PRUNE2: variants seen among roughly 807,000 people sequenced by gnomAD.
The protein encoded by PRUNE2 is protein prune homolog 2.
PRUNE2 carries 164 observed loss-of-function variants against 252.0 expected under a neutral mutation model. That is an observed-to-expected ratio of 0.65 (90% CI 0.57 to 0.74). PRUNE2 has a LOEUF of 0.74. PRUNE2 is among the 30% of genes least tolerant of loss of function. The pLI is 0.00. For missense variants in PRUNE2, 3,495 were observed against 3,711.0 expected, an observed-to-expected ratio of 0.94 and a Z score of 1.51; for synonymous variants, 1,292 against 1,350.2, an observed-to-expected ratio of 0.96 and a Z score of 0.94.
At chr9:76,654,047 G>A (rs1224503376) in intron 10 of PRUNE2, among the ~76,000 whole-genome samples, 1 of 152,168 alleles carries the variant, frequency 6.6e-6, no homozygotes, top group Non-Finnish European at 1.5e-5. Flanking sequence ...CATTTCCTAA[G>A]GTGGATAGTG....
intron 11 of PRUNE2, among the ~76,000 whole-genome samples, chr9:76,645,933 G>C (rs950944207): frequency 6.6e-6 from 1 of 152,086 alleles, no homozygotes; most frequent in Admixed American, 6.6e-5. Context: ...GTACTAGTTG[G>C]TATTAAAATG....
intron 1 of PRUNE2, among the ~76,000 whole-genome samples, chr9:76,879,638 A>G (rs11145112): frequency 0.15 from 22,166 of 151,724 alleles, 5,108 homozygotes; most frequent in African/African-American, 0.49. Flanking sequence ...TGGAAAGGGA[A>G]CAATATTTTC....
chr9:76,837,383 A>G (rs1305910560), intron 4 of PRUNE2, among the ~76,000 whole-genome samples: 1 of 151,754 alleles, frequency 6.6e-6, no homozygotes, highest in East Asian at 1.9e-4. Flanking sequence ...CAGAGATTGC[A>G]GTGAGCCAAG....
Position 76,612,161 on chromosome 9 carries a change from T to A in PRUNE2, c.*2409A>T, listed in dbSNP as rs1171303953. 6.6e-6 allele frequency: 1 copy of A among 152,314 alleles called. No individual in the cohort carries two copies. The highest frequency in any genetic ancestry group is 2.1e-4 in the South Asian group (1 of 4,828). 9.4% of individuals were successfully genotyped at this position (152,314 alleles called of 1,614,324 possible). On this transcript the variant is annotated 3_prime_UTR_variant, in exon 19 of 19. Coordinates refer to ENST00000376718, the MANE Select transcript of PRUNE2 (RefSeq NM_015225.3). Reference sequence around the variant, plus strand: ...TAATAAAATAGCAGATACCTAAATATCAGAGTGGTTATGCAGCCTACAGAA... The same window carrying A: ...TAATAAAATAGCAGATACCTAAATAACAGAGTGGTTATGCAGCCTACAGAA...
chr9:76,808,471 T>TC (rs2057134525), intron 6 of PRUNE2: 1 of 152,248 alleles, frequency 6.6e-6, no homozygotes, highest in African/African-American at 2.4e-5. Flanking sequence ...CCTCTGGGGC[T>TC]CCTCCCAATG....
chr9:76,792,140 C>T (rs534361816), intron 6 of PRUNE2, among the ~76,000 whole-genome samples: 1 of 152,162 alleles, frequency 6.6e-6, no homozygotes, highest in South Asian at 2.1e-4. Flanking sequence ...TGCTATATTT[C>T]CCATGTGTGG....
At chr9:76,730,757 G>T (rs537256385) in intron 6 of PRUNE2, among the ~76,000 whole-genome samples, 3 of 152,160 alleles carry the variant, frequency 2.0e-5, no homozygotes, top group Non-Finnish European at 4.4e-5. Flanking sequence ...AAAATTAGCC[G>T]AGTGTGGTGG....
chr9:76,857,669 G>A (rs1276860606), intron 1 of PRUNE2, among the ~76,000 whole-genome samples: 1 of 152,170 alleles, frequency 6.6e-6, no homozygotes, highest in African/African-American at 2.4e-5. Context: ...CTGTACGTGA[G>A]CTCAATCTCT....
chr9:76,694,243 T>C (rs543444560), intron 9 of PRUNE2, among the ~76,000 whole-genome samples: 9 of 152,154 alleles, frequency 5.9e-5, no homozygotes, highest in Non-Finnish European at 8.8e-5. Context: ...AGTGCAGTGG[T>C]GAGATCTCGG....
chr9:76,716,217 C>T (rs1329220734), intron 6 of PRUNE2, among the ~76,000 whole-genome samples: 3 of 152,180 alleles, frequency 2.0e-5, no homozygotes, highest in East Asian at 1.9e-4. Flanking sequence ...GGCTGATCTC[C>T]AAACTGTTTT....
At chr9:76,626,696 T>C (rs1169289845) in intron 16 of PRUNE2, among the ~76,000 whole-genome samples, 1 of 152,220 alleles carries the variant, frequency 6.6e-6, no homozygotes, top group Non-Finnish European at 1.5e-5. Context: ...GGAGAGTCTC[T>C]AAAAGCAACA....
intron 4 of PRUNE2, among the ~76,000 whole-genome samples, chr9:76,831,657 A>C (rs1277445787): frequency 1.3e-5 from 2 of 152,142 alleles, no homozygotes; most frequent in African/African-American, 4.8e-5. Flanking sequence ...TAACCACTAA[A>C]AGAATATCAA....
chr9:76,765,554 A>G (rs574155931), intron 6 of PRUNE2, among the ~76,000 whole-genome samples: 1 of 152,246 alleles, frequency 6.6e-6, no homozygotes, highest in African/African-American at 2.4e-5. Flanking sequence ...TCTGATGGGG[A>G]GGTGGCTCAA....
intron 13 of PRUNE2, among the ~76,000 whole-genome samples, 180 bp downstream of exon 13, chr9:76,638,006 A>T (rs1359184482): frequency 2.0e-5 from 3 of 152,232 alleles, no homozygotes; most frequent in Non-Finnish European, 4.4e-5. Context: ...TCTACCCACA[A>T]AAGAGCTCCT....
chr9:76,788,504 T>C lies in PRUNE2; in HGVS notation c.756+35128A>G, dbSNP rs1220987735. On this transcript the variant is annotated intron_variant, in intron 6 of 18. Coordinates refer to ENST00000376718, the MANE Select transcript of PRUNE2 (RefSeq NM_015225.3). ...AAGGCGTCTCTATTCACCAGCCATG[T>C]GCCCTTGGGGAAAAGCTCAATCCTG... 4 of 719,560 alleles carry C rather than the reference T, an allele frequency of 5.6e-6. No individual in the cohort carries two copies. In the African/African-American group the frequency reaches 7.0e-5, roughly 13 times the overall value. The allele number at this position is 719,560 out of a possible 1,614,324, so 44.6% of individuals were successfully genotyped here. A position where few individuals can be genotyped will look rare whatever the true frequency, so the allele number is the denominator to read the frequency against.
At position 76,709,843 on chromosome 9, in the gene PRUNE2, C is replaced by T; in HGVS notation, c.2431G>A (p.Ala811Thr). 1 of 1,613,848 alleles carries T rather than the reference C, an allele frequency of 6.2e-7. No individual in the cohort carries two copies. The highest frequency in any genetic ancestry group is 8.5e-7 in the Non-Finnish European group (1 of 1,179,840). ...SAFGKEDHDEALKNTWNLHPT... is the reference protein window; with the variant it reads ...SAFGKEDHDETLKNTWNLHPT... ...TGCAAATTCCAGGTATTTTTTAAAG[C>T]TTCATCATGATCTTCTTTACCAAAT... The change falls in exon 8 of 19, where the codon GCT (alanine) becomes ACT (threonine). Residue 811 changes from alanine to threonine, a missense_variant. Coordinates refer to ENST00000376718, the MANE Select transcript of PRUNE2 (RefSeq NM_015225.3).
Position 76,703,556 on chromosome 9 carries a change from A to G in PRUNE2, c.8057T>C (p.Leu2686Ser), listed in dbSNP as rs772564248. The G allele has an allele frequency of 1.9e-5, 30 of 1,613,512 alleles. No individual in the cohort carries two copies. The highest frequency in any genetic ancestry group is 2.5e-5 in the Non-Finnish European group (29 of 1,179,770). Residue 2686 changes from leucine to serine, a missense_variant, in exon 9 of 19, where the codon TTG becomes TCG. Leu to Ser is a moderately radical substitution (Grantham distance 145, BLOSUM62 -2). Coordinates refer to ENST00000376718, the MANE Select transcript of PRUNE2 (RefSeq NM_015225.3). ...ILEEMKPLES[L>S]ALEEASGPVS... ...TGGACCAGAGGCTTCCTCTAGTGCCAAAGATTCTAGAGGCTTCATTTCTTC... is the reference window on the plus strand; with the variant it reads ...TGGACCAGAGGCTTCCTCTAGTGCCGAAGATTCTAGAGGCTTCATTTCTTC...
At chr9:76,870,914 G>A (rs1415013177) in intron 1 of PRUNE2, among the ~76,000 whole-genome samples, 1 of 152,084 alleles carries the variant, frequency 6.6e-6, no homozygotes, top group African/African-American at 2.4e-5. Flanking sequence ...ACTCCAGGGA[G>A]TGCCATTCAC....
intron 9 of PRUNE2, among the ~76,000 whole-genome samples, chr9:76,686,683 C>G (rs976455702): frequency 6.6e-5 from 10 of 152,146 alleles, no homozygotes; most frequent in African/African-American, 2.4e-4. Flanking sequence ...TCTGGAACTT[C>G]TGGTCTCAAG....
Sources: gnomAD v4.1 joint callset for allele counts (sites outside exome capture counted in the v4.1 genomes callset) on GRCh38, gnomAD v4.1.1 for gene constraint, MANE v1.5 for transcripts, NCBI Gene and HGNC (gene_info 2026-07-23, HGNC 2026-07-21) for gene names.